The following BICC1 variants were observed in gnomAD, a reference collection of about 807,000 sequenced individuals.
BICC1 encodes protein bicaudal C homolog 1.
In BICC1, 43 loss-of-function variants were observed where a neutral mutation model predicts 111.0. The ratio of observed to expected loss-of-function variants is 0.39; its 90% CI spans 0.30 to 0.50. The LOEUF is 0.50. BICC1 is among the 20% of genes least tolerant of loss of function. BICC1 has a pLI of 0.88. For synonymous variants in BICC1, 467 were observed against 434.4 expected (o/e 1.07, Z -0.93); for missense variants, 1,091 against 1,203.2 (o/e 0.91, Z 1.38).
chr10:58,602,439 A>G (rs1564507550), intron 1 of BICC1, among the ~76,000 whole-genome samples: 2 of 152,180 alleles, frequency 1.3e-5, no homozygotes, highest in East Asian at 3.8e-4. Context: ...AATGAAAACC[A>G]TATTTAAAGG....
chr10:58,593,034 G>A (rs567911998), intron 1 of BICC1, among the ~76,000 whole-genome samples: 4 of 152,162 alleles, frequency 2.6e-5, no homozygotes, highest in East Asian at 1.9e-4. Context: ...TGGGACGTTC[G>A]AGCTTGGTGT....
chr10:58,646,553 A>G (rs1442773602), intron 2 of BICC1, among the ~76,000 whole-genome samples: 1 of 152,184 alleles, frequency 6.6e-6, no homozygotes, highest in Admixed American at 6.5e-5. Context: ...TTCCTTCTGC[A>G]TGTATAACCT....
chr10:58,572,195 G>A (rs911727767), intron 1 of BICC1, among the ~76,000 whole-genome samples: 2 of 151,848 alleles, frequency 1.3e-5, no homozygotes, highest in Non-Finnish European at 2.9e-5. Flanking sequence ...TCGTAAATTT[G>A]TCTAAGTTCC....
intron 3 of BICC1, among the ~76,000 whole-genome samples, chr10:58,717,959 CA>C (rs763815803): frequency 6.6e-6 from 1 of 151,760 alleles, no homozygotes; most frequent in Non-Finnish European, 1.5e-5. Flanking sequence ...AACAAAAAAA[CA>C]AAAAAAACCT....
intron 1 of BICC1, among the ~76,000 whole-genome samples, chr10:58,544,032 G>A (rs1434236383): frequency 6.6e-6 from 1 of 151,876 alleles, no homozygotes; most frequent in Non-Finnish European, 1.5e-5. Context: ...GTTTAAAAAA[G>A]GTAGCACTTT....
In BICC1 at chr10:58,801,061, C is replaced by T. The variant is rs760527130; in HGVS notation, c.2015+15C>T. 2.6e-6 allele frequency: 4 copies of T among 1,568,526 alleles called. No individual in the cohort carries two copies. Among genetic ancestry groups the T allele is most frequent in the Non-Finnish European group, 3.5e-6 (4 of 1,158,882 alleles). On this transcript the variant is annotated intron_variant, in intron 14 of 20. Coordinates refer to ENST00000373886, the MANE Select transcript of BICC1 (RefSeq NM_001080512.3). ...TCACACTTACAGTATGTATTTTAAT[C>T]TTTAAAGAGCCCTTGATATTTTGAA... is the stretch of plus-strand genomic sequence containing the variant.
chr10:58,625,641 C>T (rs957571917), intron 2 of BICC1, among the ~76,000 whole-genome samples: 2 of 152,082 alleles, frequency 1.3e-5, no homozygotes, highest in African/African-American at 4.8e-5. Flanking sequence ...ATATTGATGG[C>T]TTATGTGGTT....
intron 1 of BICC1, among the ~76,000 whole-genome samples, chr10:58,574,957 CG>C (rs1308381141): frequency 2.0e-5 from 3 of 151,720 alleles, no homozygotes; most frequent in Non-Finnish European, 4.4e-5. Flanking sequence ...TGTGTGAAAA[CG>C]AGTGAGCAAA....
intron 1 of BICC1, among the ~76,000 whole-genome samples, chr10:58,517,692 C>G (rs1470378185): frequency 6.6e-6 from 1 of 152,164 alleles, no homozygotes; most frequent in African/African-American, 2.4e-5. Flanking sequence ...CTTGATGCTA[C>G]ATTTTAATAG....
At chr10:58,684,422 T>A (rs2132378463) in intron 2 of BICC1, among the ~76,000 whole-genome samples, 1 of 152,118 alleles carries the variant, frequency 6.6e-6, no homozygotes, top group South Asian at 2.1e-4. Context: ...CTCTTTTTCT[T>A]TTGATTGGAA....
intron 1 of BICC1, among the ~76,000 whole-genome samples, chr10:58,520,376 C>G (rs551281217): frequency 9.9e-5 from 15 of 152,106 alleles, no homozygotes; most frequent in African/African-American, 2.9e-4. Flanking sequence ...TAATCCTTAT[C>G]GTACTACCAT....
At chr10:58,731,660 A>G (rs546920740) in intron 3 of BICC1, among the ~76,000 whole-genome samples, 44 of 152,008 alleles carry the variant, frequency 2.9e-4, no homozygotes, top group African/African-American at 1.0e-3. Flanking sequence ...CTCATGGCGG[A>G]AGGCAAAGTG....
At chr10:58,630,924 C>G (rs1253686848) in intron 2 of BICC1, among the ~76,000 whole-genome samples, 1 of 152,052 alleles carries the variant, frequency 6.6e-6, no homozygotes, top group African/African-American at 2.4e-5. Context: ...AAATATTAGA[C>G]CATACTATAC....
intron 3 of BICC1, among the ~76,000 whole-genome samples, chr10:58,745,599 A>ACCAC (rs1564589090): frequency 2.4e-5 from 1 of 41,704 alleles, no homozygotes; most frequent in Non-Finnish European, 4.7e-5. Context: ...AGAGCCCCCC[A>ACCAC]CCGCCCCCCC....
At chr10:58,782,771 T>C (rs1842914988) in intron 3 of BICC1, among the ~76,000 whole-genome samples, 1 of 152,206 alleles carries the variant, frequency 6.6e-6, no homozygotes, top group Admixed American at 6.5e-5. Flanking sequence ...GGTATCTCCC[T>C]CTACCTGGAA....
intron 1 of BICC1, among the ~76,000 whole-genome samples, chr10:58,517,118 A>G (rs1278946548): frequency 6.6e-6 from 1 of 152,224 alleles, no homozygotes; most frequent in Non-Finnish European, 1.5e-5. Context: ...AAAATTCAGA[A>G]GCATAGGTAT....
At chr10:58,787,379 C>G (rs1007737651) in intron 5 of BICC1, among the ~76,000 whole-genome samples, 3 of 152,094 alleles carry the variant, frequency 2.0e-5, no homozygotes, top group African/African-American at 7.2e-5. Flanking sequence ...TCGTTTAGGA[C>G]CTGGAAGCTT....
intron 3 of BICC1, among the ~76,000 whole-genome samples, chr10:58,756,690 C>T (rs1050489721): frequency 6.3e-5 from 9 of 143,966 alleles, no homozygotes; most frequent in Non-Finnish European, 1.5e-5. Context: ...ACTGTAATGG[C>T]ATATTAAGTT....
At chr10:58,617,955 A>G (rs996830624) in intron 1 of BICC1, among the ~76,000 whole-genome samples, 1 of 152,272 alleles carries the variant, frequency 6.6e-6, no homozygotes, top group South Asian at 2.1e-4. Flanking sequence ...GTTGCCCACC[A>G]TAACCTGGAG....
Sources: allele counts gnomAD v4.1 joint callset (sites outside exome capture counted in the v4.1 genomes callset), GRCh38; gene constraint gnomAD v4.1.1; transcripts MANE v1.5; gene names NCBI Gene and HGNC (gene_info 2026-07-23, HGNC 2026-07-21).